Variants in THSD7B observed in about 807,000 individuals in gnomAD.
THSD7B encodes the protein thrombospondin type-1 domain-containing protein 7B.
A neutral mutation model predicts 213.6 loss-of-function variants in THSD7B; 138 were observed. The ratio of observed to expected loss-of-function variants is 0.65; its 90% CI spans 0.56 to 0.74. The LOEUF is 0.74. THSD7B is among the 30% of genes least tolerant of loss of function. THSD7B has a pLI of 0.00. For synonymous variants in THSD7B, 742 were observed against 687.0 expected, an observed-to-expected ratio of 1.08 and a Z score of -1.25; for missense variants, 1,931 against 1,991.5, an observed-to-expected ratio of 0.97 and a Z score of 0.58.
At position 137,161,384 on chromosome 2, in the gene THSD7B, G is replaced by T. The variant is rs139585005; in HGVS notation, c.1525+1016G>T. ...GTTCTAGTTATTACATGCAAAGCAA[G>T]AATCCATGGCCAAACACTTGATGCT... is the stretch of plus-strand genomic sequence containing the variant. On this transcript the variant is annotated intron_variant, in intron 6 of 27. Coordinates refer to ENST00000409968, the MANE Select transcript of THSD7B (RefSeq NM_001316349.2). 4.3e-3 allele frequency among the ~76,000 whole-genome samples: 651 copies of T among 152,264 alleles called. 5 individuals carry two copies. The highest frequency in any genetic ancestry group is 0.015 in the African/African-American group (611 of 41,558).
intron 5 of THSD7B, among the ~76,000 whole-genome samples, chr2:137,147,602 T>A (rs960077276): frequency 5.3e-5 from 8 of 152,046 alleles, no homozygotes; most frequent in African/African-American, 1.9e-4. Flanking sequence ...TGGAGGAGAA[T>A]GTTATTTTGG....
At chr2:137,216,119 A>G (rs1400412350) in intron 7 of THSD7B, among the ~76,000 whole-genome samples, 1 of 152,154 alleles carries the variant, frequency 6.6e-6, no homozygotes, top group Non-Finnish European at 1.5e-5. Flanking sequence ...TGCATTCTGT[A>G]TATGAAAGTT....
chr2:137,642,729 A>C (rs1009857512), intron 21 of THSD7B, 96 bp downstream of exon 21: 2 of 1,402,316 alleles, frequency 1.4e-6, no homozygotes, highest in Non-Finnish European at 1.9e-6. Flanking sequence ...ATTTCACAGC[A>C]CCAGGGGTCT....
chr2:137,149,570 C>A lies in THSD7B; in HGVS notation c.1370-10643C>A, dbSNP rs1573853775. ...CAGCCAGGAGGCTGGCTGTACCCTGCAAAGTCACAGGGGTGGAGCTGCCCA... is the reference window on the plus strand; with the variant it reads ...CAGCCAGGAGGCTGGCTGTACCCTGAAAAGTCACAGGGGTGGAGCTGCCCA... On this transcript the variant is annotated intron_variant, in intron 5 of 27. Coordinates refer to ENST00000409968, the MANE Select transcript of THSD7B (RefSeq NM_001316349.2). Among the ~76,000 whole-genome samples, 5 of 152,332 alleles carry A rather than the reference C, an allele frequency of 3.3e-5. No homozygotes were observed. The South Asian group carries it at 1.0e-3, about 32-fold the overall frequency.
chr2:137,150,904 T>G (rs1679806975), intron 5 of THSD7B, among the ~76,000 whole-genome samples: 1 of 152,146 alleles, frequency 6.6e-6, no homozygotes, highest in African/African-American at 2.4e-5. Flanking sequence ...TATTTGTATA[T>G]CTAAACATAG....
chr2:137,424,773 A>G (rs1286103916), intron 14 of THSD7B, among the ~76,000 whole-genome samples: 2 of 152,104 alleles, frequency 1.3e-5, no homozygotes, highest in African/African-American at 4.8e-5. Context: ...CACAGATAAA[A>G]AATATTTTAA....
At chr2:137,348,863 A>G (rs892452165) in intron 12 of THSD7B, among the ~76,000 whole-genome samples, 2 of 151,568 alleles carry the variant, frequency 1.3e-5, no homozygotes, top group Non-Finnish European at 3.0e-5. Flanking sequence ...TCATTTATGC[A>G]TATAGATAGT....
At chr2:137,165,439 A>G (rs541429895) in intron 6 of THSD7B, among the ~76,000 whole-genome samples, 49 of 152,264 alleles carry the variant, frequency 3.2e-4, no homozygotes, top group African/African-American at 1.0e-3. Context: ...TGTTATGATG[A>G]CAGCAAGTAG....
intron 5 of THSD7B, among the ~76,000 whole-genome samples, chr2:137,138,364 G>A (rs1015591677): frequency 6.6e-6 from 1 of 152,088 alleles, no homozygotes; most frequent in African/African-American, 2.4e-5. Flanking sequence ...TACATATGAG[G>A]TTCTGATTGT....
At chr2:137,667,683 C>A in intron 26 of THSD7B, 91 bp from the exon 27 acceptor site, 1 of 1,024,176 alleles carries the variant, frequency 9.8e-7, no homozygotes, top group Non-Finnish European at 1.5e-6. Flanking sequence ...TGATGGTCAG[C>A]TTGGGGTTGT....
chr2:137,373,533 G>T (rs1393639932), intron 12 of THSD7B, among the ~76,000 whole-genome samples: 37 of 152,146 alleles, frequency 2.4e-4, no homozygotes, highest in East Asian at 7.8e-4. Context: ...TCGCCCACTT[G>T]TTGATGGGGT....
Position 137,272,563 on chromosome 2 carries a change from G to A in THSD7B, c.2297G>A (p.Arg766Lys). The change falls in exon 11 of 28, where the codon AGA (arginine) becomes AAA (lysine). Residue 766 changes from arginine to lysine, a missense_variant. Transcript: ENST00000409968. The part of the protein sequence containing the change: ...GNATVKQSRY[R>K]IIIQEAANGG... ...GCCACAGTAAAACAGTCTCGATACAGAATCATCATCCAAGAAGCAGCCAAT... is the reference window on the plus strand; with the variant it reads ...GCCACAGTAAAACAGTCTCGATACAAAATCATCATCCAAGAAGCAGCCAAT... 13 of 1,611,490 alleles carry A rather than the reference G, an allele frequency of 8.1e-6. No individual in the cohort carries two copies. The highest frequency in any genetic ancestry group is 1.1e-5 in the Non-Finnish European group (13 of 1,178,770).
chr2:137,346,419 C>T (rs1014418252), intron 12 of THSD7B, among the ~76,000 whole-genome samples: 1 of 151,330 alleles, frequency 6.6e-6, no homozygotes, highest in Non-Finnish European at 1.5e-5. Context: ...GGATTTTCTT[C>T]TTTAATATGG....
At chr2:137,442,296 T>C (rs1417156094) in intron 14 of THSD7B, among the ~76,000 whole-genome samples, 4 of 152,162 alleles carry the variant, frequency 2.6e-5, no homozygotes, top group African/African-American at 9.6e-5. Flanking sequence ...TCTAGCTTAA[T>C]TGTATTTTCT....
chr2:137,050,629 CT>C (rs1687054761), intron 2 of THSD7B, among the ~76,000 whole-genome samples: 1 of 152,130 alleles, frequency 6.6e-6, no homozygotes, highest in South Asian at 2.1e-4. Context: ...ATAAGTAAAT[CT>C]TTAAGTGTGT....
At chr2:137,046,551 G>A (rs896329245) in intron 2 of THSD7B, among the ~76,000 whole-genome samples, 2 of 151,890 alleles carry the variant, frequency 1.3e-5, no homozygotes, top group African/African-American at 2.4e-5. Flanking sequence ...CCAACATGGC[G>A]AAACACCGTC....
chr2:136,820,891 C>A (rs189250665), intron 1 of THSD7B, among the ~76,000 whole-genome samples: 1 of 151,868 alleles, frequency 6.6e-6, no homozygotes, highest in South Asian at 2.1e-4. Context: ...GAGACAGAGA[C>A]AGAGAGAGAA....
At chr2:136,826,490 C>G (rs954765645) in intron 1 of THSD7B, among the ~76,000 whole-genome samples, 3 of 152,064 alleles carry the variant, frequency 2.0e-5, no homozygotes, top group Non-Finnish European at 4.4e-5. Flanking sequence ...GAGGACTGGC[C>G]CAAGGAACAC....
At chr2:137,310,562 G>C (rs976596886) in intron 12 of THSD7B, among the ~76,000 whole-genome samples, 34 of 151,390 alleles carry the variant, frequency 2.2e-4, no homozygotes, top group Admixed American at 2.0e-3. Context: ...TGGTGTTTTA[G>C]ACATGAAGTC....
Sources: allele counts gnomAD v4.1 joint callset (sites outside exome capture counted in the v4.1 genomes callset), GRCh38; gene constraint gnomAD v4.1.1; transcripts MANE v1.5; gene names NCBI Gene and HGNC (gene_info 2026-07-23, HGNC 2026-07-21).